The following SNTG1 variants were observed in gnomAD, a reference collection of about 807,000 sequenced individuals.
SNTG1 encodes the protein syntrophin gamma 1, also known as gamma-1-syntrophin.
Under a neutral mutation model 74.7 loss-of-function variants are expected in SNTG1, and 39 were observed. The observed-to-expected ratio is 0.52, with a 90% CI of 0.40 to 0.68. The LOEUF is 0.68. Ranked by LOEUF, SNTG1 falls within the 30% of genes least tolerant of loss-of-function variation. SNTG1 has a pLI of 0.00. For missense variants in SNTG1, 685 were observed against 609.5 expected (o/e 1.12, Z -1.30); for synonymous variants, 254 against 217.1 (o/e 1.17, Z -1.49).
intron 1 of SNTG1, among the ~76,000 whole-genome samples, chr8:49,993,940 T>C (rs1475986932): frequency 6.6e-6 from 1 of 152,138 alleles, no homozygotes; most frequent in Non-Finnish European, 1.5e-5. Context: ...TTTGAATTCT[T>C]AAGCATGTAA....
At chr8:50,613,967 C>G (rs1319415124) in intron 13 of SNTG1, among the ~76,000 whole-genome samples, 2 of 152,118 alleles carry the variant, frequency 1.3e-5, no homozygotes, top group East Asian at 3.8e-4. Context: ...CCTATGAACA[C>G]AAGTTTTGAT....
intron 2 of SNTG1, among the ~76,000 whole-genome samples, chr8:50,204,026 C>A (rs1011774340): frequency 6.6e-6 from 1 of 151,634 alleles, no homozygotes; most frequent in African/African-American, 2.4e-5. Context: ...ATAATGATAC[C>A]CCCTGGAAAA....
chr8:50,703,843 C>T (rs1164860190), intron 15 of SNTG1, among the ~76,000 whole-genome samples: 1 of 152,044 alleles, frequency 6.6e-6, no homozygotes. Flanking sequence ...GGATCACCGT[C>T]GCATATGCAG....
At chr8:50,469,149 C>T (rs899495030) in intron 8 of SNTG1, among the ~76,000 whole-genome samples, 6 of 152,242 alleles carry the variant, frequency 3.9e-5, no homozygotes, top group African/African-American at 1.4e-4. Context: ...TGTAGGAATT[C>T]CTACATTTCT....
At chr8:50,194,373 C>A (rs2083686840) in intron 2 of SNTG1, among the ~76,000 whole-genome samples, 1 of 152,016 alleles carries the variant, frequency 6.6e-6, no homozygotes, top group Admixed American at 6.6e-5. Flanking sequence ...TTCAGGGTAT[C>A]TAATTCTTCT....
rs1256057357 is a variant in SNTG1 at position 50,089,512 on chromosome 8, C to T, written c.-102-83049C>T. On this transcript the variant is annotated intron_variant, in intron 1 of 18. Coordinates refer to ENST00000642720, the MANE Select transcript of SNTG1 (RefSeq NM_018967.5). Reference sequence around the variant, plus strand: ...AAATTTTTGCAACCTACTCACCTGACAAAGGGCTAATATCCAGAATCTACA... The same window carrying T: ...AAATTTTTGCAACCTACTCACCTGATAAAGGGCTAATATCCAGAATCTACA... 3.9e-5 allele frequency among the ~76,000 whole-genome samples: 6 copies of T among 152,038 alleles called. No individual in the cohort carries two copies. The South Asian group carries it at 1.2e-3, about 32-fold the overall frequency.
At chr8:50,629,216 C>A (rs1214454942) in intron 13 of SNTG1, among the ~76,000 whole-genome samples, 1 of 152,056 alleles carries the variant, frequency 6.6e-6, no homozygotes, top group South Asian at 2.1e-4. Flanking sequence ...TTTCATTATT[C>A]TACAGCAGAG....
At chr8:50,592,957 C>T (rs2094701870) in intron 13 of SNTG1, among the ~76,000 whole-genome samples, 1 of 152,062 alleles carries the variant, frequency 6.6e-6, no homozygotes, top group Non-Finnish European at 1.5e-5. Context: ...ACTCACTGCA[C>T]AGTATGATAA....
chr8:49,984,407 G>T (rs1423618050), intron 1 of SNTG1, among the ~76,000 whole-genome samples: 1 of 152,044 alleles, frequency 6.6e-6, no homozygotes, highest in Non-Finnish European at 1.5e-5. Context: ...GTTTCACCAT[G>T]TTGCCCAGGC....
chr8:50,416,088 T>C (rs1015260599), intron 4 of SNTG1, among the ~76,000 whole-genome samples: 3 of 152,194 alleles, frequency 2.0e-5, no homozygotes, highest in Non-Finnish European at 1.5e-5. Context: ...TTAGATTGTA[T>C]CTTTTCTCTC....
chr8:50,426,000 A>G (rs144596848), intron 4 of SNTG1, among the ~76,000 whole-genome samples: 1 of 152,286 alleles, frequency 6.6e-6, no homozygotes, highest in East Asian at 1.9e-4. Flanking sequence ...GTGCTTTATT[A>G]TTTAGGACAG....
chr8:50,344,288 G>A (rs1222859924), intron 2 of SNTG1, among the ~76,000 whole-genome samples: 9 of 151,866 alleles, frequency 5.9e-5, no homozygotes, highest in South Asian at 2.1e-4. Context: ...AAAAAATAGC[G>A]GCTTAAAACA....
At chr8:50,312,385 A>G (rs2090148233) in intron 2 of SNTG1, among the ~76,000 whole-genome samples, 1 of 152,142 alleles carries the variant, frequency 6.6e-6, no homozygotes, top group South Asian at 2.1e-4. Context: ...TTTCTCCAAT[A>G]ATCTTGATAT....
At chr8:50,361,887 A>G (rs1022048633) in intron 2 of SNTG1, among the ~76,000 whole-genome samples, 3 of 152,212 alleles carry the variant, frequency 2.0e-5, no homozygotes, top group Non-Finnish European at 4.4e-5. Context: ...ATATTTCAGC[A>G]TAGAAAAATA....
At chr8:50,042,044 C>A (rs1277746068) in intron 1 of SNTG1, among the ~76,000 whole-genome samples, 3 of 152,106 alleles carry the variant, frequency 2.0e-5, no homozygotes, top group Non-Finnish European at 2.9e-5. Context: ...CCTGATAAAC[C>A]AATTATAAAG....
chr8:49,970,367 T>A (rs530730277), intron 1 of SNTG1, among the ~76,000 whole-genome samples: 5 of 152,324 alleles, frequency 3.3e-5, no homozygotes, highest in African/African-American at 4.8e-5. Context: ...TTGTAGTTTT[T>A]AATTTTTTCA....
At chr8:50,534,682 G>A (rs2094294965) in intron 10 of SNTG1, among the ~76,000 whole-genome samples, 1 of 152,076 alleles carries the variant, frequency 6.6e-6, no homozygotes, top group Admixed American at 6.6e-5. Flanking sequence ...TTGGGAGGCT[G>A]AGGCAGGAGG....
chr8:50,539,254 A>G (rs1029336875), intron 11 of SNTG1, among the ~76,000 whole-genome samples: 2 of 152,006 alleles, frequency 1.3e-5, no homozygotes, highest in Non-Finnish European at 2.9e-5. Context: ...GACTTTTTGG[A>G]TATTAAATGT....
At chr8:50,470,695 C>T (rs1022945078) in intron 8 of SNTG1, among the ~76,000 whole-genome samples, 1 of 152,250 alleles carries the variant, frequency 6.6e-6, no homozygotes, top group Middle Eastern at 3.4e-3. Context: ...GTGTTGCTGG[C>T]TTCAGGAGTG....
Sources: gnomAD v4.1 joint callset for allele counts (sites outside exome capture counted in the v4.1 genomes callset) on GRCh38, gnomAD v4.1.1 for gene constraint, MANE v1.5 for transcripts, NCBI Gene and HGNC (gene_info 2026-07-23, HGNC 2026-07-21) for gene names.